The following ELOVL7 variants were observed in gnomAD, a reference collection of about 807,000 sequenced individuals.
ELOVL7 encodes the protein ELOVL fatty acid elongase 7.
A neutral mutation model predicts 35.7 loss-of-function variants in ELOVL7; 27 were observed. The observed-to-expected ratio is 0.76, with a 90% CI of 0.56 to 1.04. ELOVL7 has a LOEUF of 1.04. ELOVL7 is among the 50% of genes least tolerant of loss of function. ELOVL7 has a pLI of 0.00. For missense variants in ELOVL7, 327 were observed against 340.8 expected (o/e 0.96, Z 0.32); for synonymous variants, 113 against 114.6 (o/e 0.99, Z 0.09).
intron 2 of ELOVL7, among the ~76,000 whole-genome samples, chr5:60,794,173 T>C (rs1008623313): frequency 2.6e-5 from 4 of 152,204 alleles, no homozygotes; most frequent in African/African-American, 9.6e-5. Flanking sequence ...TTGATTTTGA[T>C]AGTATCACAT....
In ELOVL7 at chr5:60,752,627, C is replaced by T. The variant is rs1741332279; in HGVS notation, c.*1997G>A. 6.6e-6 allele frequency: 1 copy of T among 152,548 alleles called. No homozygotes were observed. The highest frequency in any genetic ancestry group is 2.1e-4 in the South Asian group (1 of 4,814). 9.4% of individuals were successfully genotyped at this position (152,548 alleles called of 1,614,324 possible). A position where few individuals can be genotyped will look rare whatever the true frequency, so the allele number is the denominator to read the frequency against. On this transcript the variant is annotated 3_prime_UTR_variant, in exon 9 of 9. Transcript: ENST00000508821. Reference sequence around the variant, plus strand: ...AGAGCAGCAGTTTCATTTAGCTGTGCTCTTTTGTCCTTCATTCTTTATTTT... The same window carrying T: ...AGAGCAGCAGTTTCATTTAGCTGTGTTCTTTTGTCCTTCATTCTTTATTTT...
intron 3 of ELOVL7, among the ~76,000 whole-genome samples, chr5:60,778,095 T>A (rs1743017178): frequency 1.3e-5 from 2 of 152,202 alleles, no homozygotes; most frequent in Admixed American, 1.3e-4. Flanking sequence ...CAGGTACACA[T>A]CACTGAAATC....
rs976735657 is a variant in ELOVL7, at chr5:60,752,804, A to C, written c.*1820T>G. The C allele has an allele frequency of 6.6e-6, 1 of 152,124 alleles. No homozygotes were observed. Among genetic ancestry groups the C allele is most frequent in the African/African-American group, 2.4e-5 (1 of 41,430 alleles). The allele number at this position is 152,124 out of a possible 1,614,324, so 9.4% of individuals were successfully genotyped here. A position where few individuals can be genotyped will look rare whatever the true frequency, so the allele number is the denominator to read the frequency against. ...CTAAAAATACAAAAATTAGCTGAGC[A>C]TGGTGGCGGGCACCTGTAATCCCAG... On this transcript the variant is annotated 3_prime_UTR_variant, in exon 9 of 9. Coordinates refer to ENST00000508821, the MANE Select transcript of ELOVL7 (RefSeq NM_024930.3).
At chr5:60,770,840 G>A (rs535206352) in intron 4 of ELOVL7, among the ~76,000 whole-genome samples, 17 of 152,246 alleles carry the variant, frequency 1.1e-4, no homozygotes, top group African/African-American at 3.9e-4. Flanking sequence ...TGGGACCACG[G>A]GCGTGCACCG....
intron 6 of ELOVL7, among the ~76,000 whole-genome samples, chr5:60,765,675 T>C (rs1314927200): frequency 1.3e-5 from 2 of 152,140 alleles, no homozygotes; most frequent in Non-Finnish European, 2.9e-5. Context: ...AGCTGTGTTT[T>C]AACAAGTCTC....
intron 7 of ELOVL7, among the ~76,000 whole-genome samples, chr5:60,758,073 T>C (rs907283637): frequency 6.6e-6 from 1 of 152,174 alleles, no homozygotes; most frequent in African/African-American, 2.4e-5. Flanking sequence ...AAGATCAAGA[T>C]ACAGAACATT....
intron 1 of ELOVL7, among the ~76,000 whole-genome samples, chr5:60,833,097 G>A (rs1746584251): frequency 6.6e-6 from 1 of 152,058 alleles, no homozygotes; most frequent in Non-Finnish European, 1.5e-5. Context: ...GATGGAGGGG[G>A]GCAATCCAAG....
intron 1 of ELOVL7, among the ~76,000 whole-genome samples, chr5:60,836,142 C>CGT (rs1746785821): frequency 6.6e-6 from 1 of 151,062 alleles, no homozygotes; most frequent in Non-Finnish European, 1.5e-5. Flanking sequence ...TATGTTCAAC[C>CGT]ATATATATAT....
intron 1 of ELOVL7, among the ~76,000 whole-genome samples, chr5:60,812,425 T>C (rs999622735): frequency 3.9e-5 from 6 of 152,130 alleles, no homozygotes; most frequent in Non-Finnish European, 5.9e-5. Flanking sequence ...TTGTGACCTA[T>C]GTTGTTCAAT....
intron 1 of ELOVL7, among the ~76,000 whole-genome samples, chr5:60,820,445 G>A (rs1003443079): frequency 1.3e-5 from 2 of 152,106 alleles, no homozygotes; most frequent in African/African-American, 2.4e-5. Flanking sequence ...ACTATCTTTC[G>A]GTTTAGTTTA....
At chr5:60,830,609 CTTTTTTT>C (rs55973952) in intron 1 of ELOVL7, among the ~76,000 whole-genome samples, 2 of 127,420 alleles carry the variant, frequency 1.6e-5, no homozygotes, top group Non-Finnish European at 3.4e-5. Flanking sequence ...TTCTTTCTTT[CTTTTTTT>C]TTTTTTTTGG....
chr5:60,824,885 T>C (rs1008615736), intron 1 of ELOVL7, among the ~76,000 whole-genome samples: 10 of 152,126 alleles, frequency 6.6e-5, no homozygotes, highest in Admixed American at 6.5e-4. Context: ...AAAGTTCTTA[T>C]AATGGGCTCC....
chr5:60,769,291 T>C (rs570595822), intron 4 of ELOVL7, among the ~76,000 whole-genome samples: 1 of 152,358 alleles, frequency 6.6e-6, no homozygotes, highest in South Asian at 2.1e-4. Flanking sequence ...CTCAGACTCA[T>C]TTTTGACTAA....
intron 3 of ELOVL7, among the ~76,000 whole-genome samples, chr5:60,781,497 G>T (rs547700487): frequency 6.6e-6 from 1 of 152,220 alleles, no homozygotes; most frequent in African/African-American, 2.4e-5. Context: ...TTCTTCCTCT[G>T]GTAGCAGTAG....
At chr5:60,769,882 T>C (rs374583515) in intron 4 of ELOVL7, among the ~76,000 whole-genome samples, 1 of 151,968 alleles carries the variant, frequency 6.6e-6, no homozygotes, top group East Asian at 1.9e-4. Flanking sequence ...AAACACCATC[T>C]CTACAAAAAA....
At chr5:60,839,943 A>T (rs1747063607) in intron 1 of ELOVL7, among the ~76,000 whole-genome samples, 1 of 151,986 alleles carries the variant, frequency 6.6e-6, no homozygotes, top group Non-Finnish European at 1.5e-5. Context: ...GAGGCTGCGG[A>T]AAGCCATGAC....
intron 2 of ELOVL7, among the ~76,000 whole-genome samples, chr5:60,787,730 T>C (rs1252773796): frequency 6.6e-6 from 1 of 152,166 alleles, no homozygotes; most frequent in Non-Finnish European, 1.5e-5. Context: ...CAGCTCCCTT[T>C]TATGCTGACA....
At chr5:60,819,817 G>C (rs984033965) in intron 1 of ELOVL7, among the ~76,000 whole-genome samples, 4 of 152,008 alleles carry the variant, frequency 2.6e-5, no homozygotes, top group Admixed American at 2.6e-4. Context: ...AAAAAACCAC[G>C]ATCATAATGC....
chr5:60,774,464 A>G (rs1275095944), intron 3 of ELOVL7, among the ~76,000 whole-genome samples: 2 of 152,208 alleles, frequency 1.3e-5, no homozygotes, highest in African/African-American at 2.4e-5. Context: ...CATGATAAAA[A>G]CCCTCAACAA....
Sources: allele counts gnomAD v4.1 joint callset (sites outside exome capture counted in the v4.1 genomes callset), GRCh38; gene constraint gnomAD v4.1.1; transcripts MANE v1.5; gene names NCBI Gene and HGNC (gene_info 2026-07-23, HGNC 2026-07-21).